The following STARD9 variants were observed in gnomAD, a reference collection of about 807,000 sequenced individuals.
The protein encoded by STARD9 is stAR-related lipid transfer protein 9.
In STARD9, 346 loss-of-function variants were observed where a neutral mutation model predicts 399.8. The ratio of observed to expected loss-of-function variants is 0.87; its 90% CI spans 0.79 to 0.95. STARD9 has a LOEUF of 0.95. STARD9 is among the 40% of genes least tolerant of loss of function. STARD9 has a pLI of 0.00. For synonymous variants in STARD9, 2,203 were observed against 2,143.5 expected (o/e 1.03, Z -0.77); for missense variants, 5,832 against 5,667.5 (o/e 1.03, Z -0.93).
intron 15 of STARD9, among the ~76,000 whole-genome samples, 160 bp downstream of exon 15, chr15:42,666,008 G>C (rs911611487): frequency 6.6e-6 from 1 of 152,200 alleles, no homozygotes; most frequent in East Asian, 1.9e-4. Context: ...GGATGTGTTT[G>C]CCTAGGGGGA....
At chr15:42,623,995 G>A (rs2059144856) in intron 3 of STARD9, among the ~76,000 whole-genome samples, 1 of 152,182 alleles carries the variant, frequency 6.6e-6, no homozygotes, top group African/African-American at 2.4e-5. Context: ...CATTTATATT[G>A]GGTAGAGACC....
intron 20 of STARD9, 80 bp downstream of exon 20, chr15:42,676,055 G>GTGGGGT: frequency 1.1e-6 from 1 of 926,094 alleles, no homozygotes; most frequent in South Asian, 1.4e-5. Context: ...CAGGGTGGGG[G>GTGGGGT]TGGGGGGTGA....
intron 26 of STARD9, among the ~76,000 whole-genome samples, chr15:42,708,848 A>T (rs534896072): frequency 1.6e-4 from 25 of 152,330 alleles, no homozygotes; most frequent in African/African-American, 6.0e-4. Context: ...GGCAAAAAAA[A>T]TACCATAGAA....
Position 42,687,630 on chromosome 15 carries a change from A to G in STARD9, c.6052A>G (p.Ser2018Gly). 6.5e-7 allele frequency: 1 copy of G among 1,537,142 alleles called. No homozygotes were observed. The highest frequency in any genetic ancestry group is 1.2e-5 in the South Asian group (1 of 84,066). ...TGCATGCCCTCAGGAAAGAAACCCC[A>G]GTGAATGCAAGTCACAAGAAATGTT... ...LVACPQERNP[S>G]ECKSQEMLNP... The change falls in exon 23 of 33, where the codon AGT becomes GGT. Residue 2018 changes from serine (S) to glycine (G), a missense_variant. Transcript: ENST00000290607.
At chr15:42,650,743 T>C (rs977042622) in intron 7 of STARD9, among the ~76,000 whole-genome samples, 21 of 152,282 alleles carry the variant, frequency 1.4e-4, no homozygotes, top group African/African-American at 5.1e-4. Context: ...TGTAAGGAAT[T>C]ATAGTTGTTG....
At chr15:42,676,146 T>TAA (rs1333792571) in intron 20 of STARD9, among the ~76,000 whole-genome samples, 171 bp downstream of exon 20, 3 of 152,348 alleles carry the variant, frequency 2.0e-5, no homozygotes, top group East Asian at 3.9e-4. Context: ...AACTAGCTGC[T>TAA]AAGTTCGTAG....
chr15:42,583,756 A>T (rs1383917419), intron 2 of STARD9, among the ~76,000 whole-genome samples: 1 of 152,170 alleles, frequency 6.6e-6, no homozygotes, highest in Non-Finnish European at 1.5e-5. Context: ...AACTCACCTG[A>T]CCACCAGTTA....
Position 42,663,345 on chromosome 15 carries a change from C to A in STARD9, c.933C>A (p.Asp311Glu). Reference sequence around the variant, plus strand: ...ACAGCTCAGTCAGCAATGGTGGTGACAGTGGGATCCTTAGCTCTCCTTCTG... The same window carrying A: ...ACAGCTCAGTCAGCAATGGTGGTGAAAGTGGGATCCTTAGCTCTCCTTCTG... ...SLNSSVSNGG[D>E]SGILSSPSGT... Residue 311 changes from aspartate to glutamate, a missense_variant, in exon 12 of 33, where the codon GAC becomes GAA. Transcript: ENST00000290607. 1 of 1,537,342 alleles carries A rather than the reference C, an allele frequency of 6.5e-7. No individual in the cohort carries two copies. The highest frequency in any genetic ancestry group is 8.7e-7 in the Non-Finnish European group (1 of 1,146,922).
intron 1 of STARD9, chr15:42,581,544 G>T (rs2058170657): frequency 1.7e-6 from 2 of 1,197,626 alleles, no homozygotes; most frequent in African/African-American, 1.5e-5. Context: ...GCGCCGGGCC[G>T]GTCTGCTCCA....
At chr15:42,698,561 C>G (rs2060893954) in intron 26 of STARD9, among the ~76,000 whole-genome samples, 1 of 152,152 alleles carries the variant, frequency 6.6e-6, no homozygotes, top group African/African-American at 2.4e-5. Context: ...AGCCGTTTGA[C>G]TGATACGAAC....
At chr15:42,654,770 A>T (rs1204047906) in intron 9 of STARD9, among the ~76,000 whole-genome samples, 1 of 152,232 alleles carries the variant, frequency 6.6e-6, no homozygotes, top group East Asian at 1.9e-4. Context: ...CGCTGAAAGA[A>T]ATCATATATG....
chr15:42,582,615 T>G (rs1055386315), intron 1 of STARD9, among the ~76,000 whole-genome samples: 1 of 152,358 alleles, frequency 6.6e-6, no homozygotes. Flanking sequence ...ACTTTTTTTT[T>G]GTCAATATCC....
At chr15:42,714,323 A>G (rs1230787256) in intron 26 of STARD9, among the ~76,000 whole-genome samples, 1 of 151,980 alleles carries the variant, frequency 6.6e-6, no homozygotes. Flanking sequence ...GCCTCGGCCT[A>G]CCAAAGTGCT....
At chr15:42,714,610 A>G (rs1051058297) in intron 26 of STARD9, among the ~76,000 whole-genome samples, 32 of 151,984 alleles carry the variant, frequency 2.1e-4, no homozygotes, top group African/African-American at 6.5e-4. Context: ...CCTTGATTCA[A>G]TTGTTGAGAA....
chr15:42,609,176 C>G (rs182401749), intron 3 of STARD9, among the ~76,000 whole-genome samples: 1 of 152,162 alleles, frequency 6.6e-6, no homozygotes, highest in Admixed American at 6.5e-5. Context: ...AGAAAGGGGA[C>G]AAAGAGAAAA....
In STARD9 at chr15:42,640,266, G is replaced by A. The variant is rs189259093; in HGVS notation, c.559+1454G>A. 1.2e-4 allele frequency among the ~76,000 whole-genome samples: 19 copies of A among 152,294 alleles called. No individual in the cohort carries two copies. In the East Asian group the frequency reaches 3.3e-3, roughly 26 times the overall value. On this transcript the variant is annotated intron_variant, in intron 7 of 32. Coordinates refer to ENST00000290607, the MANE Select transcript of STARD9 (RefSeq NM_020759.3). ...ATAAGGAGCGGGACATGAACATCAA[G>A]AGCCGGTCTTTTCTCTGGTCAGGGC... is the stretch of plus-strand genomic sequence containing the variant.
At position 42,664,658 on chromosome 15, in the gene STARD9, T is replaced by G. The variant is rs1221272905; in HGVS notation, c.1177-595T>G. On this transcript the variant is annotated intron_variant, in intron 13 of 32. Coordinates refer to ENST00000290607, the MANE Select transcript of STARD9 (RefSeq NM_020759.3). Reference sequence around the variant, plus strand: ...CTGGGGTTACAGGTGTGGGCCAAAGTGCCCAGTCTTATGCCTGTGTTTTTT... The same window carrying G: ...CTGGGGTTACAGGTGTGGGCCAAAGGGCCCAGTCTTATGCCTGTGTTTTTT... Among the ~76,000 whole-genome samples the G allele has an allele frequency of 4.6e-5, 7 of 152,188 alleles. No homozygotes were observed. In the East Asian group the frequency reaches 1.3e-3, roughly 29 times the overall value.
intron 3 of STARD9, among the ~76,000 whole-genome samples, chr15:42,593,950 G>GA (rs2058454100): frequency 6.6e-6 from 1 of 151,904 alleles, no homozygotes; most frequent in Admixed American, 6.6e-5. Context: ...TTACAGGCGT[G>GA]AGCCACCGCG....
At chr15:42,615,114 T>C (rs2058934807) in intron 3 of STARD9, among the ~76,000 whole-genome samples, 1 of 151,646 alleles carries the variant, frequency 6.6e-6, no homozygotes, top group African/African-American at 2.4e-5. Context: ...GTTCAAGTGA[T>C]TCTCCTGCCT....
Sources: allele counts gnomAD v4.1 joint callset (sites outside exome capture counted in the v4.1 genomes callset), GRCh38; gene constraint gnomAD v4.1.1; transcripts MANE v1.5; gene names NCBI Gene and HGNC (gene_info 2026-07-23, HGNC 2026-07-21).